The following CCDC7 variants were observed in gnomAD, a reference collection of about 807,000 sequenced individuals.
CCDC7 encodes the protein coiled-coil domain containing 7.
CCDC7 carries 183 observed loss-of-function variants against 196.9 expected under a neutral mutation model. The observed-to-expected ratio is 0.93, with a 90% CI of 0.82 to 1.05. The LOEUF (loss-of-function observed/expected upper bound fraction) is 1.05, where lower values mean the gene tolerates loss of function less well. Among genes scored for constraint, CCDC7 ranks in the 50% least tolerant of loss-of-function variants. The pLI is 0.00. For missense variants in CCDC7, 1,540 were observed against 1,482.2 expected, an observed-to-expected ratio of 1.04 and a Z score of -0.64; for synonymous variants, 525 against 484.6, an observed-to-expected ratio of 1.08 and a Z score of -1.10.
chr10:32,584,073 A>G (rs2058999492), intron 17 of CCDC7, among the ~76,000 whole-genome samples, 159 bp from the exon 19 acceptor site: 1 of 152,138 alleles, frequency 6.6e-6, no homozygotes, highest in African/African-American at 2.4e-5. Context: ...AATTTGATAC[A>G]TTCAGGAAAT....
At chr10:32,596,621 T>C (rs1165090350) in intron 18 of CCDC7, among the ~76,000 whole-genome samples, 1 of 152,244 alleles carries the variant, frequency 6.6e-6, no homozygotes, top group Non-Finnish European at 1.5e-5. Context: ...AGCTTCTTCC[T>C]AGCCTCGACG....
intron 23 of CCDC7, 25 bp downstream of exon 24, chr10:32,689,188 T>C: frequency 7.3e-7 from 1 of 1,368,534 alleles, no homozygotes; most frequent in African/African-American, 1.5e-5. Context: ...TAAAGATAAC[T>C]TTAAATTATT....
intron 8 of CCDC7, among the ~76,000 whole-genome samples, chr10:32,479,905 G>T (rs560840943): frequency 2.6e-4 from 39 of 150,800 alleles, no homozygotes; most frequent in Non-Finnish European, 4.6e-4. Flanking sequence ...AGTCTGTTCA[G>T]ACTTTCTGTT....
intron 28 of CCDC7, among the ~76,000 whole-genome samples, chr10:32,744,154 A>G (rs997574644): frequency 6.6e-6 from 1 of 152,062 alleles, no homozygotes; most frequent in Non-Finnish European, 1.5e-5. Flanking sequence ...AAAAAGAAAA[A>G]AAAAAGAAAA....
chr10:32,582,106 CTATATATATATATATATATATA>C (rs6143863), intron 16 of CCDC7, among the ~76,000 whole-genome samples: 20,037 of 103,890 alleles, frequency 0.19, 2,380 homozygotes, highest in African/African-American at 0.29. Context: ...ACTGTCAGCA[CTATATATATATATATATATATA>C]TATATATATA....
intron 8 of CCDC7, among the ~76,000 whole-genome samples, chr10:32,476,110 C>T (rs2038922254): frequency 6.6e-6 from 1 of 152,162 alleles, no homozygotes; most frequent in African/African-American, 2.4e-5. Flanking sequence ...TTGCCTTGTA[C>T]AGCTCAGTGG....
chr10:32,699,693 C>A (rs1260027589), intron 24 of CCDC7, among the ~76,000 whole-genome samples: 3 of 149,446 alleles, frequency 2.0e-5, no homozygotes, highest in Non-Finnish European at 4.4e-5. Flanking sequence ...TTTCCTATTT[C>A]TATACATCCT....
At chr10:32,651,584 A>G (rs1242214949) in intron 20 of CCDC7, among the ~76,000 whole-genome samples, 1 of 152,208 alleles carries the variant, frequency 6.6e-6, no homozygotes, top group Non-Finnish European at 1.5e-5. Flanking sequence ...GATTTCGGGC[A>G]GGAGCACTCT....
At chr10:32,727,039 A>T (rs1202872979) in intron 26 of CCDC7, among the ~76,000 whole-genome samples, 1 of 152,154 alleles carries the variant, frequency 6.6e-6, no homozygotes, top group African/African-American at 2.4e-5. Context: ...TTTCACAGCC[A>T]TTGGACATGC....
Position 32,517,717 on chromosome 10 carries a change from C to T in CCDC7, c.873-228C>T, listed in dbSNP as rs138687185. On this transcript the variant is annotated intron_variant, in intron 9 of 41. Coordinates refer to ENST00000639629, the Ensembl canonical transcript of CCDC7. ...ACACCAACATGGCACATGTTTGTTA[C>T]ATATGTAACAAACCTGCACGTTGTG... is the stretch of plus-strand genomic sequence containing the variant. Among the ~76,000 whole-genome samples, 898 of 151,260 alleles carry T rather than the reference C, an allele frequency of 5.9e-3. 9 individuals are homozygous for T. Among genetic ancestry groups the T allele is most frequent in the African/African-American group, 0.021 (853 of 41,178 alleles).
intron 24 of CCDC7, among the ~76,000 whole-genome samples, chr10:32,703,229 G>T (rs1048097762): frequency 1.3e-5 from 2 of 151,998 alleles, no homozygotes; most frequent in African/African-American, 4.8e-5. Flanking sequence ...AAATCTCTCA[G>T]CACTTGCTTG....
intron 28 of CCDC7, among the ~76,000 whole-genome samples, chr10:32,748,160 T>C (rs2075106852): frequency 6.6e-6 from 1 of 152,088 alleles, no homozygotes; most frequent in Admixed American, 6.6e-5. Context: ...GAGCTAAATA[T>C]TGAGCTCACA....
chr10:32,719,488 C>T (rs954249758), intron 25 of CCDC7, among the ~76,000 whole-genome samples: 1 of 152,060 alleles, frequency 6.6e-6, no homozygotes, highest in East Asian at 1.9e-4. Context: ...GACTAAACAC[C>T]AAAGGCAATT....
At position 32,851,793 on chromosome 10, in the gene CCDC7, C is replaced by A; in HGVS notation, c.3896-14C>A. The A allele has an allele frequency of 5.0e-6, 8 of 1,604,836 alleles. No individual in the cohort carries two copies. The highest frequency in any genetic ancestry group is 6.8e-6 in the Non-Finnish European group (8 of 1,176,148). ...ATCTATTGTATGGCTAACATATTTTCCAAATTTTTCTAGAGGAAACTTATG... is the reference window on the plus strand; with the variant it reads ...ATCTATTGTATGGCTAACATATTTTACAAATTTTTCTAGAGGAAACTTATG... On this transcript the variant is annotated splice_polypyrimidine_tract_variant and intron_variant, in intron 39 of 41. Coordinates refer to ENST00000639629, the Ensembl canonical transcript of CCDC7.
At chr10:32,637,480 C>A (rs371772634) in intron 20 of CCDC7, among the ~76,000 whole-genome samples, 37 of 152,202 alleles carry the variant, frequency 2.4e-4, no homozygotes, top group East Asian at 7.7e-4. Flanking sequence ...CATTTATTAA[C>A]TAGGGAATCC....
intron 28 of CCDC7, among the ~76,000 whole-genome samples, chr10:32,733,058 T>TA (rs1298459495): frequency 6.6e-6 from 1 of 152,124 alleles, no homozygotes; most frequent in Non-Finnish European, 1.5e-5. Context: ...ATGTTTTCTG[T>TA]ATTTCTTGCC....
At chr10:32,872,334 T>C (rs1001065552) in intron 41 of CCDC7, among the ~76,000 whole-genome samples, 3 of 152,056 alleles carry the variant, frequency 2.0e-5, no homozygotes, top group Non-Finnish European at 2.9e-5. Context: ...TGATCTTTGT[T>C]GGTTTATCAG....
intron 29 of CCDC7, among the ~76,000 whole-genome samples, chr10:32,783,294 G>A (rs1408837526): frequency 1.3e-5 from 2 of 152,084 alleles, no homozygotes; most frequent in Non-Finnish European, 2.9e-5. Flanking sequence ...GAATATACAA[G>A]GAAGTTTTAT....
At chr10:32,521,377 T>C (rs1013628180) in intron 11 of CCDC7, among the ~76,000 whole-genome samples, 1 of 152,084 alleles carries the variant, frequency 6.6e-6, no homozygotes, top group African/African-American at 2.4e-5. Context: ...TTCAATTTCT[T>C]TCATCAGTGT....
Sources: gnomAD v4.1 joint callset for allele counts (sites outside exome capture counted in the v4.1 genomes callset) on GRCh38, gnomAD v4.1.1 for gene constraint, MANE v1.5 for transcripts, NCBI Gene and HGNC (gene_info 2026-07-23, HGNC 2026-07-21) for gene names.